PCSK2: variants seen among roughly 807,000 people sequenced by gnomAD.
PCSK2 encodes proprotein convertase subtilisin/kexin type 2.
A neutral mutation model predicts 69.7 loss-of-function variants in PCSK2; 14 were observed. The ratio of observed to expected loss-of-function variants is 0.20; its 90% CI spans 0.13 to 0.31. The LOEUF (loss-of-function observed/expected upper bound fraction) is 0.31, where lower values mean the gene tolerates loss of function less well. Among genes scored for constraint, PCSK2 ranks in the 10% least tolerant of loss-of-function variants. PCSK2 has a pLI of 1.00. For missense variants in PCSK2, 544 were observed against 842.5 expected (o/e 0.65, Z 4.39); for synonymous variants, 307 against 320.7 (o/e 0.96, Z 0.46).
At chr20:17,450,238 C>T (rs6136100) in intron 8 of PCSK2, among the ~76,000 whole-genome samples, 8,139 of 151,514 alleles carry the variant, frequency 0.054, 244 homozygotes, top group East Asian at 0.17. Context: ...CTGTGTTAGC[C>T]AGGATGGTCT....
At chr20:17,452,676 C>T (rs895432708) in intron 8 of PCSK2, among the ~76,000 whole-genome samples, 2 of 152,232 alleles carry the variant, frequency 1.3e-5, no homozygotes, top group African/African-American at 4.8e-5. Flanking sequence ...CTGGAGGTTG[C>T]ACCTGCCCCT....
chr20:17,456,208 T>A (rs2032918087), intron 9 of PCSK2, 140 bp from the exon 10 acceptor site: 1 of 607,160 alleles, frequency 1.6e-6, no homozygotes, highest in African/African-American at 1.9e-5. Context: ...GCCACTGCAC[T>A]CCAGCCTGGG....
chr20:17,425,780 A>C (rs1320021338), intron 6 of PCSK2, among the ~76,000 whole-genome samples: 1 of 152,182 alleles, frequency 6.6e-6, no homozygotes, highest in Non-Finnish European at 1.5e-5. Flanking sequence ...ATAGGTTTCC[A>C]ATGTTCCTGG....
intron 2 of PCSK2, among the ~76,000 whole-genome samples, 189 bp from the exon 3 acceptor site, chr20:17,358,137 CT>C (rs111548512): frequency 0.082 from 12,427 of 151,634 alleles, 556 homozygotes; most frequent in African/African-American, 0.12. Flanking sequence ...GAGACCCCCC[CT>C]AATCTCTACA....
intron 6 of PCSK2, 41 bp downstream of exon 6, chr20:17,409,380 G>A (rs948304754): frequency 7.3e-7 from 1 of 1,374,930 alleles, no homozygotes; most frequent in East Asian, 2.3e-5. Context: ...TTTAGGCTTT[G>A]GGGTTTTATT....
chr20:17,464,924 G>C (rs1018074934), intron 10 of PCSK2: 2 of 272,418 alleles, frequency 7.3e-6, no homozygotes, highest in Non-Finnish European at 1.4e-5. Flanking sequence ...CCAGGCCATA[G>C]CTTAAGCTTA....
chr20:17,385,731 G>A (rs1372368264), intron 5 of PCSK2, among the ~76,000 whole-genome samples: 1 of 152,154 alleles, frequency 6.6e-6, no homozygotes, highest in Non-Finnish European at 1.5e-5. Context: ...GCACAGGTAG[G>A]GGAGCAGGGG....
chr20:17,286,594 G>A lies in PCSK2; in HGVS notation c.282+26250G>A, dbSNP rs941135891. On this transcript the variant is annotated intron_variant, in intron 2 of 11. Coordinates refer to ENST00000262545, the MANE Select transcript of PCSK2 (RefSeq NM_002594.5). ...ATCTACTAAGATGTACCTGGAGGAA[G>A]AAAAATGTAGCAATTCTTGCAAAGC... Among the ~76,000 whole-genome samples, 5 of 152,160 alleles carry A rather than the reference G, an allele frequency of 3.3e-5. No homozygotes were observed. The South Asian group carries it at 8.3e-4, about 25-fold the overall frequency.
At chr20:17,440,293 TAA>T (rs558196813) in intron 8 of PCSK2, among the ~76,000 whole-genome samples, 201 of 152,284 alleles carry the variant, frequency 1.3e-3, no homozygotes, top group Non-Finnish European at 2.3e-3. Flanking sequence ...AAGATCCCAT[TAA>T]AGTTTGCAAG....
intron 4 of PCSK2, among the ~76,000 whole-genome samples, chr20:17,368,220 G>A (rs987572700): frequency 6.6e-6 from 1 of 152,146 alleles, no homozygotes; most frequent in Admixed American, 6.5e-5. Context: ...CTGGCTTTTA[G>A]ATATTGCATC....
intron 1 of PCSK2, among the ~76,000 whole-genome samples, chr20:17,236,306 T>C (rs557934828): frequency 9.2e-5 from 14 of 152,302 alleles, no homozygotes; most frequent in African/African-American, 3.4e-4. Flanking sequence ...TATTTCCTAA[T>C]ATACCTCCCT....
intron 6 of PCSK2, among the ~76,000 whole-genome samples, chr20:17,411,888 C>A (rs2031883138): frequency 6.6e-6 from 1 of 152,210 alleles, no homozygotes; most frequent in South Asian, 2.1e-4. Context: ...TGGTGATACC[C>A]AGGCAAACAG....
intron 8 of PCSK2, among the ~76,000 whole-genome samples, chr20:17,443,609 G>T (rs2123363580): frequency 6.6e-6 from 1 of 152,250 alleles, no homozygotes; most frequent in East Asian, 1.9e-4. Flanking sequence ...GAGTCGGGAA[G>T]GTAGGAGATG....
At chr20:17,269,073 T>C (rs1246222803) in intron 2 of PCSK2, among the ~76,000 whole-genome samples, 2 of 152,050 alleles carry the variant, frequency 1.3e-5, no homozygotes, top group African/African-American at 2.4e-5. Context: ...TGGGGAGTGG[T>C]TAGGGAATTA....
chr20:17,294,136 G>A (rs1044020199), intron 2 of PCSK2, among the ~76,000 whole-genome samples: 1 of 105,974 alleles, frequency 9.4e-6, no homozygotes, highest in Non-Finnish European at 1.8e-5. Flanking sequence ...ACGGAGTCCC[G>A]CTGTTTAGCC....
chr20:17,263,004 G>C (rs1001889239), intron 2 of PCSK2: 1 of 205,020 alleles, frequency 4.9e-6, no homozygotes, highest in Non-Finnish European at 8.6e-6. Flanking sequence ...ACTGTCTACA[G>C]GCTTGTGGTA....
At chr20:17,478,539 G>C (rs1160357566) in intron 11 of PCSK2, among the ~76,000 whole-genome samples, 1 of 152,072 alleles carries the variant, frequency 6.6e-6, no homozygotes, top group Non-Finnish European at 1.5e-5. Flanking sequence ...CTCAGAAAAA[G>C]TAAACAAGTT....
chr20:17,358,277 A>G (rs765515602), intron 2 of PCSK2, 50 bp from the exon 3 acceptor site: 2 of 1,104,592 alleles, frequency 1.8e-6, no homozygotes, highest in Non-Finnish European at 2.8e-6. Context: ...ATTCCAGAAG[A>G]CAGAATGTTC....
At chr20:17,294,542 C>G (rs1988825111) in intron 2 of PCSK2, among the ~76,000 whole-genome samples, 1 of 152,196 alleles carries the variant, frequency 6.6e-6, no homozygotes, top group Non-Finnish European at 1.5e-5. Flanking sequence ...CAGTTTCATA[C>G]TGAATTCAGA....
Sources: gnomAD v4.1 joint callset for allele counts (sites outside exome capture counted in the v4.1 genomes callset) on GRCh38, gnomAD v4.1.1 for gene constraint, MANE v1.5 for transcripts, NCBI Gene and HGNC (gene_info 2026-07-23, HGNC 2026-07-21) for gene names.